The following MKLN1 variants were observed in gnomAD, a reference collection of about 807,000 sequenced individuals.
MKLN1 encodes the protein muskelin.
In MKLN1, 18 loss-of-function variants were observed where a neutral mutation model predicts 99.0. The ratio of observed to expected loss-of-function variants is 0.18; its 90% CI spans 0.13 to 0.27. The LOEUF is 0.27. Ranked by LOEUF, MKLN1 falls within the 10% of genes least tolerant of loss-of-function variation. The pLI, the probability that MKLN1 is intolerant of heterozygous loss-of-function variation, is 1.00. For synonymous variants in MKLN1, 288 were observed against 293.2 expected, an observed-to-expected ratio of 0.98 and a Z score of 0.18; for missense variants, 621 against 875.9, an observed-to-expected ratio of 0.71 and a Z score of 3.67.
intron 9 of MKLN1, among the ~76,000 whole-genome samples, chr7:131,437,156 T>G (rs1399909679): frequency 6.6e-6 from 1 of 152,160 alleles, no homozygotes; most frequent in Non-Finnish European, 1.5e-5. Context: ...ACATGTGCCA[T>G]GTTGGTTTGC....
At chr7:131,483,265 T>A (rs1797176011) in intron 17 of MKLN1, among the ~76,000 whole-genome samples, 1 of 152,192 alleles carries the variant, frequency 6.6e-6, no homozygotes, top group Admixed American at 6.5e-5. Context: ...AAAAAAACAT[T>A]GATTACATAT....
intron 1 of MKLN1, among the ~76,000 whole-genome samples, chr7:131,345,571 G>A (rs1358014337): frequency 6.6e-6 from 1 of 152,076 alleles, no homozygotes; most frequent in South Asian, 2.1e-4. Flanking sequence ...TAAATTAGTC[G>A]GGTGTGGTGT....
intron 17 of MKLN1, among the ~76,000 whole-genome samples, chr7:131,481,431 A>G (rs1584786872): frequency 6.6e-6 from 1 of 152,290 alleles, no homozygotes; most frequent in Admixed American, 6.5e-5. Flanking sequence ...GCCAGGTGCG[A>G]TAACTCATGC....
intron 2 of MKLN1, among the ~76,000 whole-genome samples, chr7:131,145,573 TAAG>T (rs1451787655): frequency 2.0e-5 from 3 of 152,126 alleles, no homozygotes; most frequent in Non-Finnish European, 4.4e-5. Context: ...AAAATGATAA[TAAG>T]AAATCTGGTG....
At chr7:131,297,431 A>G (rs541518554) in intron 3 of MKLN1, among the ~76,000 whole-genome samples, 3 of 127,078 alleles carry the variant, frequency 2.4e-5, no homozygotes, top group East Asian at 2.4e-4. Context: ...GTGTGTGTAC[A>G]TACACACACA....
intron 3 of MKLN1, among the ~76,000 whole-genome samples, chr7:131,291,980 G>A (rs189456594): frequency 9.9e-5 from 15 of 152,018 alleles, no homozygotes; most frequent in Admixed American, 5.9e-4. Context: ...GGTGGCGTGC[G>A]CCTTAAGTCC....
chr7:131,144,151 C>T (rs990471920), intron 2 of MKLN1, among the ~76,000 whole-genome samples: 3 of 152,128 alleles, frequency 2.0e-5, no homozygotes, highest in African/African-American at 7.2e-5. Context: ...ACACAGAAGG[C>T]ACTCAGTAAA....
At chr7:131,397,149 T>G (rs536370261) in intron 4 of MKLN1, 118 bp from the exon 5 acceptor site, 1 of 645,850 alleles carries the variant, frequency 1.5e-6, no homozygotes, top group South Asian at 2.1e-5. Flanking sequence ...ATATAAAAGA[T>G]GCCCAGAAAA....
chr7:131,209,718 T>G (rs1796872472), intron 3 of MKLN1, among the ~76,000 whole-genome samples: 1 of 152,214 alleles, frequency 6.6e-6, no homozygotes, highest in Admixed American at 6.5e-5. Context: ...TTGCTGTCAT[T>G]CAGTCATAAT....
At chr7:131,475,855 A>G (rs187022079) in intron 16 of MKLN1, among the ~76,000 whole-genome samples, 56 of 152,332 alleles carry the variant, frequency 3.7e-4, no homozygotes, top group Admixed American at 2.7e-3. Flanking sequence ...AGACGTTACA[A>G]GCAAAGAAAA....
chr7:131,457,638 G>A (rs867257157), intron 12 of MKLN1, among the ~76,000 whole-genome samples: 38 of 152,092 alleles, frequency 2.5e-4, no homozygotes, highest in African/African-American at 8.4e-4. Context: ...ATTTAAGCCC[G>A]GGCACGGGGG....
At chr7:131,483,301 C>G (rs1797176861) in intron 17 of MKLN1, among the ~76,000 whole-genome samples, 1 of 152,074 alleles carries the variant, frequency 6.6e-6, no homozygotes, top group Non-Finnish European at 1.5e-5. Context: ...CCTTAAACAA[C>G]TTTCCTCAAT....
Position 131,227,059 on chromosome 7 carries a change from C to T in MKLN1, c.-179+24085C>T, listed in dbSNP as rs537565396. On this transcript the variant is annotated intron_variant, in intron 3 of 7. Transcript: ENST00000416992. Reference sequence around the variant, plus strand: ...ACTTTTCTTCACAACCTTCTATGGTCGACCTCAAATCTACCATCACTTTTC... The same window carrying T: ...ACTTTTCTTCACAACCTTCTATGGTTGACCTCAAATCTACCATCACTTTTC... Among the ~76,000 whole-genome samples, 23 of 152,294 alleles carry T rather than the reference C, an allele frequency of 1.5e-4. 1 individual carries two copies. Among genetic ancestry groups the T allele is most frequent in the Non-Finnish European group, 2.5e-4 (17 of 68,030 alleles).
intron 2 of MKLN1, among the ~76,000 whole-genome samples, chr7:131,378,806 G>C (rs1215163874): frequency 6.6e-6 from 1 of 152,064 alleles, no homozygotes; most frequent in Admixed American, 6.6e-5. Flanking sequence ...CTCCAGCCTG[G>C]GTGACAGAGT....
At chr7:131,423,520 C>A (rs2116399299) in intron 8 of MKLN1, among the ~76,000 whole-genome samples, 1 of 152,172 alleles carries the variant, frequency 6.6e-6, no homozygotes, top group South Asian at 2.1e-4. Flanking sequence ...TCAGTAGAGC[C>A]AGGCTTTCTC....
chr7:131,178,793 C>T (rs1428296848), intron 2 of MKLN1, among the ~76,000 whole-genome samples: 1 of 152,146 alleles, frequency 6.6e-6, no homozygotes, highest in African/African-American at 2.4e-5. Flanking sequence ...CTTTCATAGT[C>T]ACTTTCTTAG....
At chr7:131,180,972 G>A (rs1057135684) in intron 2 of MKLN1, among the ~76,000 whole-genome samples, 13 of 151,960 alleles carry the variant, frequency 8.6e-5, no homozygotes, top group South Asian at 2.1e-4. Context: ...TCTGTCCCTC[G>A]TGCTCTCTCT....
At chr7:131,394,735 A>G (rs1395292321) in intron 4 of MKLN1, among the ~76,000 whole-genome samples, 1 of 152,024 alleles carries the variant, frequency 6.6e-6, no homozygotes. Flanking sequence ...GGTATCAGCT[A>G]TTCTGGATAT....
intron 3 of MKLN1, among the ~76,000 whole-genome samples, chr7:131,296,352 C>T (rs1434693268): frequency 1.3e-5 from 2 of 152,014 alleles, no homozygotes; most frequent in Non-Finnish European, 2.9e-5. Flanking sequence ...ACTAAATGAA[C>T]AAAGCAAGGT....
Sources: gnomAD v4.1 joint callset for allele counts (sites outside exome capture counted in the v4.1 genomes callset) on GRCh38, gnomAD v4.1.1 for gene constraint, MANE v1.5 for transcripts, NCBI Gene and HGNC (gene_info 2026-07-23, HGNC 2026-07-21) for gene names.